Variants in IL1RAPL1 observed in about 807,000 individuals in gnomAD.
IL1RAPL1 encodes interleukin 1 receptor accessory protein like 1.
IL1RAPL1 carries 3 observed loss-of-function variants against 48.4 expected under a neutral mutation model. The observed-to-expected ratio is 0.06, with a 90% confidence interval of 0.03 to 0.16. The LOEUF (loss-of-function observed/expected upper bound fraction) is 0.16. IL1RAPL1 is among the 10% of genes least tolerant of loss of function. The pLI, the probability that IL1RAPL1 is intolerant of heterozygous loss-of-function variation, is 1.00. For synonymous variants in IL1RAPL1, 185 were observed against 187.7 expected, an observed-to-expected ratio of 0.99 and a Z score of 0.12; for missense variants, 349 against 530.6, an observed-to-expected ratio of 0.66 and a Z score of 3.36.
At chrX:28,768,148 T>C (rs1377972603) in intron 1 of IL1RAPL1, among the ~76,000 whole-genome samples, 1 of 111,980 alleles carries the variant, frequency 8.9e-6, no homozygotes, top group East Asian at 2.8e-4. Context: ...TCTGATTTTA[T>C]GTTCGTGAAA....
chrX:28,668,125 C>CT lies in IL1RAPL1; in HGVS notation c.-25+80085dup, dbSNP rs200893723. Among the ~76,000 whole-genome samples the CT allele has an allele frequency of 2.5e-3, 275 of 111,733 alleles. 4 individuals are homozygous for CT. The East Asian group carries it at 0.054, about 22-fold the overall frequency. On this transcript the variant is annotated intron_variant, in intron 1 of 10. Coordinates refer to ENST00000378993, the MANE Select transcript of IL1RAPL1 (RefSeq NM_014271.4). Reference sequence around the variant, plus strand: ...AAGCCATGTGTGCATTGCAATTACCCTTTTTTTAGTAAAAGTTGCATATTT... The same window carrying CT: ...AAGCCATGTGTGCATTGCAATTACCCTTTTTTTTAGTAAAAGTTGCATATTT...
At chrX:29,187,953 C>T (rs1363999102) in intron 2 of IL1RAPL1, among the ~76,000 whole-genome samples, 1 of 111,878 alleles carries the variant, frequency 8.9e-6, no homozygotes, top group Non-Finnish European at 1.9e-5. Context: ...GTCTAAACTG[C>T]CCTCTAGAGC....
intron 1 of IL1RAPL1, among the ~76,000 whole-genome samples, chrX:28,769,965 G>T (rs1157048998): frequency 8.9e-6 from 1 of 111,830 alleles, no homozygotes; most frequent in South Asian, 3.7e-4. Flanking sequence ...TAATGTATGA[G>T]CTATATAGAC....
intron 1 of IL1RAPL1, among the ~76,000 whole-genome samples, chrX:28,752,967 C>G (rs192252800): frequency 8.9e-6 from 1 of 112,525 alleles, no homozygotes; most frequent in Non-Finnish European, 1.9e-5. Flanking sequence ...TCTTAGGCAT[C>G]TTTATATTTC....
chrX:29,727,042 A>G (rs934577183), intron 6 of IL1RAPL1, among the ~76,000 whole-genome samples: 3 of 111,545 alleles, frequency 2.7e-5, no homozygotes, highest in African/African-American at 9.8e-5. Flanking sequence ...GCTATTCAGA[A>G]CTAAATAACT....
intron 3 of IL1RAPL1, among the ~76,000 whole-genome samples, chrX:29,297,220 A>C (rs1932462519): frequency 8.9e-6 from 1 of 112,500 alleles, no homozygotes; most frequent in Non-Finnish European, 1.9e-5. Context: ...AAGCACTATC[A>C]CACCAGGTTG....
intron 2 of IL1RAPL1, among the ~76,000 whole-genome samples, chrX:28,819,184 T>C (rs1433349360): frequency 9.0e-6 from 1 of 110,866 alleles, no homozygotes. Flanking sequence ...TAATGAATTA[T>C]TCCCTTAAAG....
intron 6 of IL1RAPL1, among the ~76,000 whole-genome samples, chrX:29,909,547 AAAAAT>A (rs1286697242): frequency 1.8e-5 from 2 of 112,142 alleles, no homozygotes; most frequent in African/African-American, 6.5e-5. Context: ...AATAGCCACA[AAAAAT>A]AAAATAAAAT....
At chrX:29,573,108 T>G (rs1478125229) in intron 5 of IL1RAPL1, among the ~76,000 whole-genome samples, 1 of 112,175 alleles carries the variant, frequency 8.9e-6, no homozygotes, top group Non-Finnish European at 1.9e-5. Context: ...TGTTGCTGTG[T>G]CCTCACATCA....
intron 5 of IL1RAPL1, among the ~76,000 whole-genome samples, chrX:29,465,470 T>C (rs769985467): frequency 8.9e-6 from 1 of 112,069 alleles, no homozygotes; most frequent in East Asian, 2.8e-4. Context: ...CTAATGCTTT[T>C]AGACACTTCA....
intron 2 of IL1RAPL1, among the ~76,000 whole-genome samples, chrX:28,914,636 C>T (rs762485012): frequency 2.7e-5 from 3 of 111,743 alleles, no homozygotes; most frequent in East Asian, 5.7e-4. Flanking sequence ...ACTACCTGTA[C>T]GACACATTGT....
intron 1 of IL1RAPL1, among the ~76,000 whole-genome samples, chrX:28,635,612 T>C (rs927188487): frequency 4.5e-5 from 5 of 112,160 alleles, no homozygotes; most frequent in African/African-American, 1.6e-4. Context: ...TAGGCTAGGC[T>C]AAGCTATGAT....
At chrX:29,108,009 A>C (rs772410324) in intron 2 of IL1RAPL1, among the ~76,000 whole-genome samples, 1 of 111,943 alleles carries the variant, frequency 8.9e-6, no homozygotes, top group East Asian at 2.8e-4. Context: ...TATAAATGGC[A>C]CATACCTGGA....
At chrX:29,856,055 A>AT (rs1931471615) in intron 6 of IL1RAPL1, among the ~76,000 whole-genome samples, 2 of 112,125 alleles carry the variant, frequency 1.8e-5, no homozygotes, top group African/African-American at 3.2e-5. Context: ...CTACATGCAT[A>AT]TACCATGCAC....
chrX:29,397,205 T>G (rs1933929761), intron 4 of IL1RAPL1, among the ~76,000 whole-genome samples: 1 of 112,191 alleles, frequency 8.9e-6, no homozygotes, highest in Non-Finnish European at 1.9e-5. Flanking sequence ...GTTTAAAGAA[T>G]CCTTATGTAA....
intron 5 of IL1RAPL1, among the ~76,000 whole-genome samples, chrX:29,590,439 G>A (rs1033196954): frequency 1.3e-4 from 15 of 111,755 alleles, no homozygotes; most frequent in African/African-American, 3.3e-4. Context: ...CCCAAGGGCA[G>A]GTATTTTCCC....
At chrX:29,203,253 C>A (rs1320825958) in intron 2 of IL1RAPL1, among the ~76,000 whole-genome samples, 1 of 110,639 alleles carries the variant, frequency 9.0e-6, no homozygotes, top group African/African-American at 3.3e-5. Context: ...AAGATAGGGC[C>A]CCTATCTTTA....
At chrX:29,951,391 C>A (rs1042930611) in intron 9 of IL1RAPL1, among the ~76,000 whole-genome samples, 1 of 111,983 alleles carries the variant, frequency 8.9e-6, no homozygotes, top group South Asian at 3.7e-4. Context: ...GCTAAAAATG[C>A]AGCTGCTGAT....
intron 6 of IL1RAPL1, among the ~76,000 whole-genome samples, chrX:29,722,473 C>T (rs913311847): frequency 1.8e-5 from 2 of 111,911 alleles, no homozygotes; most frequent in South Asian, 7.4e-4. Flanking sequence ...TTATCTTTTT[C>T]CTTCTGTTTT....
Sources: gnomAD v4.1 joint callset for allele counts (sites outside exome capture counted in the v4.1 genomes callset) on GRCh38, gnomAD v4.1.1 for gene constraint, MANE v1.5 for transcripts, NCBI Gene and HGNC (gene_info 2026-07-23, HGNC 2026-07-21) for gene names.